GDI2: variants seen among roughly 807,000 people sequenced by gnomAD.
GDI2 encodes the protein rab GDP dissociation inhibitor beta.
In GDI2, 22 loss-of-function variants were observed where a neutral mutation model predicts 54.2. The observed-to-expected ratio is 0.41, with a 90% confidence interval of 0.29 to 0.58. The LOEUF is 0.58. GDI2 is among the 20% of genes least tolerant of loss of function. The probability of loss-of-function intolerance (pLI) is 0.35; values close to 1 mark genes in which losing one functional copy is unlikely to be tolerated. For missense variants in GDI2, 422 were observed against 546.0 expected (o/e 0.77, Z 2.26); for synonymous variants, 177 against 182.1 (o/e 0.97, Z 0.23).
rs907764925 is a variant in GDI2 at position 5,774,156 on chromosome 10, C to A, written c.720-215G>T. On this transcript the variant is annotated intron_variant, in intron 6 of 10. Transcript: ENST00000380191. The surrounding 1 kb of genome is among the most constrained non-coding windows in gnomAD (Gnocchi z 4.8). ...AAGTCAAAAAAAATCACTAACCAGGCACTTGTCTTTCGAGCTGCCCACTCG... is the reference window on the plus strand; with the variant it reads ...AAGTCAAAAAAAATCACTAACCAGGAACTTGTCTTTCGAGCTGCCCACTCG... 3.3e-5 allele frequency among the ~76,000 whole-genome samples: 5 copies of A among 152,124 alleles called. No individual in the cohort carries two copies. The highest frequency in any genetic ancestry group is 5.9e-5 in the Non-Finnish European group (4 of 68,010).
chr10:5,813,311 C>A lies in GDI2; in HGVS notation c.-53G>T. 1 of 1,338,446 alleles carries A rather than the reference C, an allele frequency of 7.5e-7. No homozygotes were observed. Among genetic ancestry groups the A allele is most frequent in the East Asian group, 2.5e-5 (1 of 40,498 alleles). The allele number at this position is 1,338,446 out of a possible 1,614,324, so 82.9% of individuals were successfully genotyped here. A position where few individuals can be genotyped will look rare whatever the true frequency, so the allele number is the denominator to read the frequency against. On this transcript the variant is annotated 5_prime_UTR_variant, in exon 1 of 11. Coordinates refer to ENST00000380191, the MANE Select transcript of GDI2 (RefSeq NM_001494.4). ...GAGCAAGGAAAAGGCGCAGGGGCTC[C>A]GTGACCACCCTACGAGGCTGGGAGG...
In GDI2 at chr10:5,768,289, G is replaced by A; in HGVS notation, c.915C>T (p.Ser305=). The change falls in exon 8 of 11, where the codon AGC becomes AGT. Residue 305 remains serine, a synonymous_variant. Transcript: ENST00000380191. The surrounding 1 kb of genome is among the most constrained non-coding windows in gnomAD (Gnocchi z 4.4). The stretch of plus-strand genomic sequence containing the variant: ...CATCATTGGTGTTCTTGATGGGGTG[G>A]CTGAGGATGCAAATAACTCTGATCA... The part of the protein sequence containing the change: ...GQVIRVICIL[S]HPIKNTNDAN... 6.2e-7 allele frequency: 1 copy of A among 1,609,148 alleles called. No individual in the cohort carries two copies. Among genetic ancestry groups the A allele is most frequent in the East Asian group, 2.2e-5 (1 of 44,852 alleles).
At chr10:5,797,543 C>CAAAAA (rs772570487) in intron 2 of GDI2, among the ~76,000 whole-genome samples, 2 of 45,354 alleles carry the variant, frequency 4.4e-5, no homozygotes, top group Non-Finnish European at 7.7e-5. Context: ...GACTCCATCT[C>CAAAAA]AAAAAAAAAA....
At chr10:5,796,642 T>C in intron 3 of GDI2, 121 bp downstream of exon 3, 1 of 628,740 alleles carries the variant, frequency 1.6e-6, no homozygotes, top group Non-Finnish European at 2.9e-6. Flanking sequence ...TTACTCACCA[T>C]GCTGTTTCAT....
chr10:5,788,563 T>C (rs1346756364), intron 4 of GDI2, among the ~76,000 whole-genome samples: 1 of 152,240 alleles, frequency 6.6e-6, no homozygotes, highest in East Asian at 1.9e-4. Flanking sequence ...GGGCCACACA[T>C]AAAATACACT....
chr10:5,790,334 GAACACAGTATAT>G (rs1435191963), intron 4 of GDI2, among the ~76,000 whole-genome samples: 2 of 152,082 alleles, frequency 1.3e-5, no homozygotes, highest in Non-Finnish European at 2.9e-5. Flanking sequence ...TTGATTGTAA[GAACACAGTATAT>G]AATACATTAT....
In GDI2 at chr10:5,774,598, T is replaced by A. The variant is rs7100286; in HGVS notation, c.720-657A>T. Among the ~76,000 whole-genome samples the A allele has an allele frequency of 8.8e-3, 1,333 of 152,206 alleles. 21 individuals are homozygous for A. The highest frequency in any genetic ancestry group is 0.03 in the African/African-American group (1,244 of 41,520). On this transcript the variant is annotated intron_variant, in intron 6 of 10. Coordinates refer to ENST00000380191, the MANE Select transcript of GDI2 (RefSeq NM_001494.4). The surrounding 1 kb of genome is among the most constrained non-coding windows in gnomAD (Gnocchi z 4.8). ...GCAGCGGCTCTGCATCCATAGCTTA[T>A]CCCTCCTCGCTCACCCTGATGGATG...
rs1381541367 is a variant in GDI2 at position 5,769,695 on chromosome 10, C to T, written c.820-1311G>A. ...TAATCATAACTTCAGTGAGCTACTACCTCACAACCGTTAAGATTGCTACTA... is the reference window on the plus strand; with the variant it reads ...TAATCATAACTTCAGTGAGCTACTATCTCACAACCGTTAAGATTGCTACTA... On this transcript the variant is annotated intron_variant, in intron 7 of 10. Coordinates refer to ENST00000380191, the MANE Select transcript of GDI2 (RefSeq NM_001494.4). Among the ~76,000 whole-genome samples the T allele has an allele frequency of 2.0e-5, 3 of 152,154 alleles. No individual in the cohort carries two copies. The South Asian group carries it at 6.2e-4, about 31-fold the overall frequency.
At chr10:5,794,749 TA>T in intron 4 of GDI2, 135 bp downstream of exon 4, 1 of 672,560 alleles carries the variant, frequency 1.5e-6, no homozygotes, top group Admixed American at 2.5e-5. Context: ...CCCAACTGCC[TA>T]GAACAGTGTC....
chr10:5,793,929 C>T (rs997982636), intron 4 of GDI2, among the ~76,000 whole-genome samples: 10 of 151,686 alleles, frequency 6.6e-5, no homozygotes, highest in Non-Finnish European at 1.2e-4. Context: ...TTTGGGAGGC[C>T]AAGGCAGGTG....
chr10:5,804,336 T>G (rs2131719514), intron 1 of GDI2, among the ~76,000 whole-genome samples: 1 of 152,224 alleles, frequency 6.6e-6, no homozygotes, highest in South Asian at 2.1e-4. Context: ...TCAAGTGATC[T>G]GCCCACCTTG....
chr10:5,804,217 C>T (rs540621478), intron 1 of GDI2, among the ~76,000 whole-genome samples: 4 of 152,170 alleles, frequency 2.6e-5, no homozygotes, highest in South Asian at 2.1e-4. Flanking sequence ...CCTCAGCCTC[C>T]TAAATAGCTG....
intron 1 of GDI2, among the ~76,000 whole-genome samples, chr10:5,808,435 A>T (rs1841420337): frequency 6.6e-6 from 1 of 152,148 alleles, no homozygotes; most frequent in Non-Finnish European, 1.5e-5. Context: ...GCACTTTGGG[A>T]GGCTGAGGCA....
In GDI2 at chr10:5,768,297, T is replaced by C. The variant is rs138091745; in HGVS notation, c.907A>G (p.Ile303Val). 1,171 of 1,610,994 alleles carry C rather than the reference T, an allele frequency of 7.3e-4. 11 individuals are homozygous for C. The African/African-American group carries it at 0.014, about 19-fold the overall frequency. ...GTGTTCTTGATGGGGTGGCTGAGGATGCAAATAACTCTGATCACCTGGCCC... is the reference window on the plus strand; with the variant it reads ...GTGTTCTTGATGGGGTGGCTGAGGACGCAAATAACTCTGATCACCTGGCCC... ...KVGQVIRVIC[I>V]LSHPIKNTND... The change falls in exon 8 of 11, where the codon ATC (isoleucine) becomes GTC (valine). Residue 303 changes from isoleucine (I) to valine (V), a missense_variant. Transcript: ENST00000380191. This position sits in a 1 kb window ranked among gnomAD's most constrained non-coding sequence, Gnocchi z 4.4.
At chr10:5,788,032 A>G (rs1320685136) in intron 4 of GDI2, among the ~76,000 whole-genome samples, 1 of 152,158 alleles carries the variant, frequency 6.6e-6, no homozygotes. Context: ...CCTTAATTCC[A>G]TGTTGCTATG....
At chr10:5,794,216 TATATATATATATATATAA>T (rs1564396041) in intron 4 of GDI2, among the ~76,000 whole-genome samples, 1 of 105,046 alleles carries the variant, frequency 9.5e-6, no homozygotes, top group Non-Finnish European at 2.0e-5. Context: ...TATATATATA[TATATATATATATATATAA>T]AACTCACCAG....
intron 1 of GDI2, among the ~76,000 whole-genome samples, chr10:5,808,726 TACAC>T (rs111237506): frequency 0.012 from 1,696 of 138,296 alleles, 36 homozygotes; most frequent in African/African-American, 0.043. Flanking sequence ...AAACTACAAA[TACAC>T]ACACACACAC....
At chr10:5,799,153 G>C in intron 2 of GDI2, among the ~76,000 whole-genome samples, 1 of 151,756 alleles carries the variant, frequency 6.6e-6, no homozygotes, top group Non-Finnish European at 1.5e-5. Flanking sequence ...ACCAGCCTGG[G>C]CAACACAGAG....
chr10:5,775,221 G>A (rs1305690065), intron 6 of GDI2, among the ~76,000 whole-genome samples: 2 of 151,978 alleles, frequency 1.3e-5, no homozygotes, highest in Non-Finnish European at 2.9e-5. Context: ...CTGAGAGGTC[G>A]AGGCTGCAGT....
Sources: allele counts gnomAD v4.1 joint callset (sites outside exome capture counted in the v4.1 genomes callset), GRCh38; gene constraint gnomAD v4.1.1; non-coding constraint Gnocchi (gnomAD v3.1); transcripts MANE v1.5; gene names NCBI Gene and HGNC (gene_info 2026-07-23, HGNC 2026-07-21).